The following TXNL4A variants were observed in gnomAD, a reference collection of about 807,000 sequenced individuals.
TXNL4A encodes the protein thioredoxin like 4A, also known as thioredoxin-like protein 4A.
Under a neutral mutation model 14.6 loss-of-function variants are expected in TXNL4A, and 17 were observed. The observed-to-expected ratio is 1.16, with a 90% CI of 0.80 to 1.74. TXNL4A has a LOEUF of 1.74. TXNL4A is among the 40% of genes most tolerant of loss of function. TXNL4A has a pLI of 0.00. For missense variants in TXNL4A, 74 were observed against 195.2 expected (o/e 0.38, Z 3.70); for synonymous variants, 83 against 70.6 (o/e 1.18, Z -0.88).
chr18:80,004,456 G>A (rs1187790709), intron 1 of TXNL4A, among the ~76,000 whole-genome samples: 2 of 152,204 alleles, frequency 1.3e-5, no homozygotes, highest in Admixed American at 6.5e-5. Context: ...AGCAGGCACC[G>A]AGTGCTCCCT....
Position 80,017,140 on chromosome 18 carries a change from C to T in TXNL4A, c.-61+16711G>A, listed in dbSNP as rs2051816624. On this transcript the variant is annotated intron_variant, in intron 1 of 2. Transcript: ENST00000585474. The stretch of plus-strand genomic sequence containing the variant: ...TTTGAAGCAATTGTGAATGGGAGTT[C>T]ACTCATGATTTGGCTCTCTGTTTGT... Among the ~76,000 whole-genome samples, 5 of 150,086 alleles carry T rather than the reference C, an allele frequency of 3.3e-5. No homozygotes were observed. The South Asian group carries it at 1.1e-3, about 32-fold the overall frequency.
intron 1 of TXNL4A, among the ~76,000 whole-genome samples, chr18:80,010,756 C>T (rs1234636114): frequency 2.0e-5 from 3 of 152,198 alleles, no homozygotes; most frequent in African/African-American, 4.8e-5. Flanking sequence ...CACAACGCCA[C>T]GTGCTAGTTC....
chr18:79,988,381 C>T lies in TXNL4A; in HGVS notation c.12G>A (p.Met4Ile). 6.7e-7 allele frequency: 1 copy of T among 1,499,040 alleles called. No homozygotes were observed. Among genetic ancestry groups the T allele is most frequent in the Non-Finnish European group, 9.0e-7 (1 of 1,111,378 alleles). 92.9% of individuals were successfully genotyped at this position (1,499,040 alleles called of 1,614,324 possible). Reference sequence around the variant, plus strand: ...GCCAGCCGTTGTGCAGGTGCGGGAGCATGTACGACATGGCGGCCCGCGCGC... The same window carrying T: ...GCCAGCCGTTGTGCAGGTGCGGGAGTATGTACGACATGGCGGCCCGCGCGC... MSY[M>I]LPHLHNGWQV... The change falls in exon 1 of 3, where the codon ATG becomes ATA. Residue 4 changes from methionine (M) to isoleucine (I), a missense_variant. Met to Ile is a conservative substitution (Grantham distance 10). Around this residue, in one of 3 missense-constraint regions of TXNL4A, gnomAD observed 55 missense variants for 116.1 expected, o/e 0.47. Coordinates refer to ENST00000269601, the MANE Select transcript of TXNL4A (RefSeq NM_006701.5).
chr18:80,033,186 T>TAC (rs1024608244), intron 1 of TXNL4A, among the ~76,000 whole-genome samples: 1 of 152,094 alleles, frequency 6.6e-6, no homozygotes, highest in Non-Finnish European at 1.5e-5. Context: ...TACATACGCA[T>TAC]ACACACACAC....
chr18:80,016,937 T>C (rs1031858743), intron 1 of TXNL4A, among the ~76,000 whole-genome samples: 7 of 152,272 alleles, frequency 4.6e-5, no homozygotes, highest in African/African-American at 1.7e-4. Context: ...GCATTGAATC[T>C]ATAATTACCT....
At chr18:79,977,725 A>C (rs767198062) in intron 1 of TXNL4A, 24 bp from the exon 2 acceptor site, 16 of 1,322,554 alleles carry the variant, frequency 1.2e-5, no homozygotes, top group African/African-American at 8.9e-5. Flanking sequence ...AAAAAAAAAA[A>C]CTGAAATAAC....
intron 1 of TXNL4A, among the ~76,000 whole-genome samples, chr18:80,019,778 CAGA>C (rs538927850): frequency 9.2e-5 from 14 of 152,196 alleles, no homozygotes; most frequent in African/African-American, 2.4e-4. Flanking sequence ...GCTTTTAAAG[CAGA>C]AGAAGGCATT....
chr18:80,017,488 T>C (rs1233312399), intron 1 of TXNL4A, among the ~76,000 whole-genome samples: 4 of 152,064 alleles, frequency 2.6e-5, no homozygotes, highest in Non-Finnish European at 5.9e-5. Context: ...AGTATGATAT[T>C]GGCTGTGGGT....
chr18:80,033,217 G>A (rs1313488072), intron 1 of TXNL4A, among the ~76,000 whole-genome samples: 1 of 151,954 alleles, frequency 6.6e-6, no homozygotes, highest in Non-Finnish European at 1.5e-5. Flanking sequence ...GCACGCACAT[G>A]CACACATATA....
At chr18:79,994,816 T>A (rs1230095787) in intron 1 of TXNL4A, 1 of 152,320 alleles carries the variant, frequency 6.6e-6, no homozygotes, top group Non-Finnish European at 1.5e-5. Flanking sequence ...CCTAACCCTC[T>A]GGACTTCCTG....
rs989432532 is a variant in TXNL4A, at chr18:80,007,198, C to G, written c.-61+26653G>C. Among the ~76,000 whole-genome samples the G allele has an allele frequency of 3.3e-5, 5 of 152,152 alleles. No individual in the cohort carries two copies. In the East Asian group the frequency reaches 5.8e-4, roughly 18 times the overall value. On this transcript the variant is annotated intron_variant, in intron 1 of 2. Transcript: ENST00000585474. The stretch of plus-strand genomic sequence containing the variant: ...GGACTCTCTTACCCTTGCAGCAGGA[C>G]GAGCCACAGACAAAACCTCTCAGAC...
chr18:79,982,413 G>A lies in TXNL4A; in HGVS notation c.154-4712C>T, dbSNP rs553977786. ...TCCAGGTAGCGACTGGCCTGGAGCT[G>A]TACAATGGAGTCTGGGCTGGAGAGA... On this transcript the variant is annotated intron_variant, in intron 1 of 2. Transcript: ENST00000269601. This position sits in a 1 kb window ranked among gnomAD's most constrained non-coding sequence, Gnocchi z 4.0. 1.2e-4 allele frequency among the ~76,000 whole-genome samples: 19 copies of A among 152,330 alleles called. No homozygotes were observed. The highest frequency in any genetic ancestry group is 4.3e-4 in the African/African-American group (18 of 41,572).
intron 1 of TXNL4A, among the ~76,000 whole-genome samples, chr18:80,020,285 G>A (rs543519101): frequency 7.2e-5 from 11 of 152,242 alleles, no homozygotes; most frequent in Middle Eastern, 3.4e-3. Flanking sequence ...GAAAGTGGCT[G>A]GGTTCAGGCC....
chr18:80,032,086 C>G (rs528275608), intron 1 of TXNL4A, among the ~76,000 whole-genome samples: 7 of 152,218 alleles, frequency 4.6e-5, no homozygotes, highest in African/African-American at 1.4e-4. Flanking sequence ...TTTTGCCCTC[C>G]TTTTGTTGCT....
chr18:79,984,229 G>T (rs565145625), intron 1 of TXNL4A, among the ~76,000 whole-genome samples: 1 of 152,274 alleles, frequency 6.6e-6, no homozygotes, highest in South Asian at 2.1e-4. Flanking sequence ...TGATACTTAA[G>T]ATACACCCCT....
At chr18:80,018,249 G>A (rs935349906) in intron 1 of TXNL4A, among the ~76,000 whole-genome samples, 19 of 152,082 alleles carry the variant, frequency 1.2e-4, no homozygotes, top group African/African-American at 4.1e-4. Flanking sequence ...GGTACATAAC[G>A]AAATGAAGGC....
chr18:79,981,324 A>C (rs1568365031), intron 1 of TXNL4A, among the ~76,000 whole-genome samples: 2 of 152,234 alleles, frequency 1.3e-5, no homozygotes, highest in Non-Finnish European at 2.9e-5. Context: ...GCACGTAAAA[A>C]ATAGTAAATA....
chr18:79,976,862 T>C (rs915603646), intron 2 of TXNL4A: 1 of 447,912 alleles, frequency 2.2e-6, no homozygotes, highest in Non-Finnish European at 4.5e-6. Context: ...TTTGAGCTGA[T>C]AAAATAATCT....
chr18:79,986,326 C>G (rs564749607), intron 1 of TXNL4A, among the ~76,000 whole-genome samples: 1 of 152,144 alleles, frequency 6.6e-6, no homozygotes, highest in Non-Finnish European at 1.5e-5. Context: ...TGAACTACCG[C>G]GCCTGGCCTA....
Sources: gnomAD v4.1 joint callset for allele counts (sites outside exome capture counted in the v4.1 genomes callset) on GRCh38, gnomAD v4.1.1 for gene constraint, gnomAD v4.1.1 regional missense constraint, Gnocchi (gnomAD v3.1) non-coding constraint, MANE v1.5 for transcripts, NCBI Gene and HGNC (gene_info 2026-07-23, HGNC 2026-07-21) for gene names.